The following GRB10 variants were observed in gnomAD, a reference collection of about 807,000 sequenced individuals.
The protein encoded by GRB10 is growth factor receptor-bound protein 10.
In GRB10, 20 loss-of-function variants were observed where a neutral mutation model predicts 80.9. The observed-to-expected ratio is 0.25, with a 90% CI of 0.17 to 0.36. The LOEUF (loss-of-function observed/expected upper bound fraction) is 0.36. Among genes scored for constraint, GRB10 ranks in the 10% least tolerant of loss-of-function variants. The pLI, the probability that GRB10 is intolerant of heterozygous loss-of-function variation, is 1.00. For missense variants in GRB10, 548 were observed against 747.7 expected (o/e 0.73, Z 3.12); for synonymous variants, 291 against 291.5 (o/e 1.00, Z 0.02).
chr7:50,728,216 G>GGC (rs776773938), intron 4 of GRB10, among the ~76,000 whole-genome samples: 1 of 5,814 alleles, frequency 1.7e-4, no homozygotes, highest in Non-Finnish European at 3.1e-4. Context: ...CCAAAGTATG[G>GGC]GGGGGGGGTG....
Position 50,591,333 on chromosome 7 carries a change from C to T in GRB10, c.*1619G>A. The stretch of plus-strand genomic sequence containing the variant: ...GGCCTTACTGAAGCTTGTGACACTG[C>T]TCTAGGCTACGGGGGTTGACTGAGG... On this transcript the variant is annotated 3_prime_UTR_variant, in exon 19 of 19. Transcript: ENST00000401949. 1 of 152,390 alleles carries T rather than the reference C, an allele frequency of 6.6e-6. No individual in the cohort carries two copies. Among genetic ancestry groups the T allele is most frequent in the Non-Finnish European group, 1.5e-5 (1 of 68,090 alleles). 9.4% of individuals were successfully genotyped at this position (152,390 alleles called of 1,614,324 possible).
chr7:50,611,137 T>G (rs1187042272), intron 13 of GRB10, among the ~76,000 whole-genome samples: 1 of 152,170 alleles, frequency 6.6e-6, no homozygotes, highest in Non-Finnish European at 1.5e-5. Context: ...CTAAGCAACC[T>G]CTTTCTTCTC....
intron 18 of GRB10, 92 bp from the exon 19 acceptor site, chr7:50,593,190 T>C: frequency 7.0e-7 from 1 of 1,437,170 alleles, no homozygotes; most frequent in South Asian, 1.1e-5. Flanking sequence ...CATCTGCCCA[T>C]GATTTGATTC....
intron 7 of GRB10, among the ~76,000 whole-genome samples, chr7:50,632,050 G>A (rs147518612): frequency 6.6e-6 from 1 of 152,218 alleles, no homozygotes; most frequent in African/African-American, 2.4e-5. Context: ...CCTGAAGCCT[G>A]GAGGTTTGGG....
intron 6 of GRB10, among the ~76,000 whole-genome samples, chr7:50,672,928 G>T (rs902748281): frequency 1.2e-4 from 18 of 152,188 alleles, no homozygotes; most frequent in Middle Eastern, 3.2e-3. Flanking sequence ...GCATCATTCA[G>T]CATCAATGAA....
At chr7:50,648,066 T>A (rs1274995858) in intron 7 of GRB10, among the ~76,000 whole-genome samples, 1 of 151,944 alleles carries the variant, frequency 6.6e-6, no homozygotes, top group African/African-American at 2.4e-5. Context: ...TGGATGGGAA[T>A]GTAAACCGGG....
At chr7:50,639,866 T>C (rs7797159) in intron 7 of GRB10, among the ~76,000 whole-genome samples, 51,614 of 151,816 alleles carry the variant, frequency 0.34, 8,897 homozygotes, top group Middle Eastern at 0.51. Flanking sequence ...TTTTTAAACT[T>C]TTCTAAAATG....
At chr7:50,665,259 A>C (rs1453380612) in intron 7 of GRB10, among the ~76,000 whole-genome samples, 2 of 152,208 alleles carry the variant, frequency 1.3e-5, no homozygotes, top group Non-Finnish European at 2.9e-5. Context: ...TCTCACTTTA[A>C]TGGTGAAGCC....
At chr7:50,713,922 C>T (rs1453221006) in intron 4 of GRB10, among the ~76,000 whole-genome samples, 2 of 152,012 alleles carry the variant, frequency 1.3e-5, no homozygotes, top group African/African-American at 4.8e-5. Flanking sequence ...CCACTTCCAC[C>T]CATTCCATCA....
chr7:50,704,281 C>T (rs144767681), intron 4 of GRB10, among the ~76,000 whole-genome samples: 2 of 152,286 alleles, frequency 1.3e-5, no homozygotes, highest in Non-Finnish European at 2.9e-5. Flanking sequence ...AAGTGCTGGG[C>T]GTTCTATTAC....
chr7:50,740,720 C>A (rs2071567989), intron 3 of GRB10, among the ~76,000 whole-genome samples: 1 of 151,222 alleles, frequency 6.6e-6, no homozygotes, highest in Non-Finnish European at 1.5e-5. Flanking sequence ...TAGATGAAGA[C>A]ACATTCATTC....
chr7:50,645,737 C>G lies in GRB10; in HGVS notation c.505-18759G>C, dbSNP rs367569905. 263 of 473,164 alleles carry G rather than the reference C, an allele frequency of 5.6e-4. 9 individuals carry two copies. In the South Asian group the frequency reaches 0.021, roughly 37 times the overall value. The allele number at this position is 473,164 out of a possible 1,614,324, so 29.3% of individuals were successfully genotyped here. ...GCTCAGTAAACATCGTCTAGAGTTTCTTGAAACTACAGAAACAGCCAATCA... is the reference window on the plus strand; with the variant it reads ...GCTCAGTAAACATCGTCTAGAGTTTGTTGAAACTACAGAAACAGCCAATCA... On this transcript the variant is annotated intron_variant, in intron 7 of 18. Coordinates refer to ENST00000401949, the MANE Select transcript of GRB10 (RefSeq NM_001350814.2).
intron 5 of GRB10, among the ~76,000 whole-genome samples, chr7:50,684,244 G>C (rs1015217978): frequency 1.0e-5 from 1 of 99,770 alleles, no homozygotes; most frequent in African/African-American, 4.0e-5. Flanking sequence ...CTGGCGGCCA[G>C]ACAACTGCAA....
intron 7 of GRB10, among the ~76,000 whole-genome samples, chr7:50,649,324 G>T (rs1032752572): frequency 2.6e-5 from 4 of 152,214 alleles, no homozygotes; most frequent in African/African-American, 9.6e-5. Context: ...AGCCCAGGAA[G>T]GCCCAGAGGA....
At chr7:50,701,115 C>A (rs1051519124) in intron 5 of GRB10, among the ~76,000 whole-genome samples, 15 of 151,774 alleles carry the variant, frequency 9.9e-5, no homozygotes, top group African/African-American at 3.4e-4. Flanking sequence ...ATATATATTC[C>A]CTTATATCTT....
intron 5 of GRB10, among the ~76,000 whole-genome samples, chr7:50,693,667 G>C (rs1586968078): frequency 6.6e-6 from 1 of 152,078 alleles, no homozygotes; most frequent in African/African-American, 2.4e-5. Context: ...AGCTCAGGAG[G>C]CTTTACTACG....
At chr7:50,743,233 G>A (rs1051155633) in intron 3 of GRB10, among the ~76,000 whole-genome samples, 1 of 152,218 alleles carries the variant, frequency 6.6e-6, no homozygotes, top group African/African-American at 2.4e-5. Context: ...GGGTCTATAT[G>A]TGACCATAGG....
At chr7:50,701,681 T>C (rs955753636) in intron 5 of GRB10, among the ~76,000 whole-genome samples, 1 of 152,244 alleles carries the variant, frequency 6.6e-6, no homozygotes, top group Non-Finnish European at 1.5e-5. Context: ...TTATTTGGCC[T>C]TCCCTAGTCA....
rs763887919 is a variant in GRB10, at chr7:50,674,398, T to C, written c.362+38A>G. ...GCAGTGTCCCTGCCGACAGCTCTCA[T>C]CCTTGGAGAAGGCTCTGCCCATAAG... On this transcript the variant is annotated intron_variant, in intron 6 of 18. Coordinates refer to ENST00000401949, the MANE Select transcript of GRB10 (RefSeq NM_001350814.2). 9 of 1,583,114 alleles carry C rather than the reference T, an allele frequency of 5.7e-6. No individual in the cohort carries two copies. In the Admixed American group the frequency reaches 1.3e-4, roughly 23 times the overall value.
Sources: gnomAD v4.1 joint callset for allele counts (sites outside exome capture counted in the v4.1 genomes callset) on GRCh38, gnomAD v4.1.1 for gene constraint, MANE v1.5 for transcripts, NCBI Gene and HGNC (gene_info 2026-07-23, HGNC 2026-07-21) for gene names.